Variants in CEP95 observed in about 807,000 individuals in gnomAD.
CEP95 encodes centrosomal protein of 95 kDa.
Under a neutral mutation model 111.2 loss-of-function variants are expected in CEP95, and 98 were observed. The observed-to-expected ratio is 0.88, with a 90% CI of 0.75 to 1.04. The LOEUF is 1.04. Ranked by LOEUF, CEP95 falls within the 50% of genes least tolerant of loss-of-function variation. CEP95 has a pLI of 0.00. For missense variants in CEP95, 1,027 were observed against 977.2 expected (o/e 1.05, Z -0.68); for synonymous variants, 323 against 327.1 (o/e 0.99, Z 0.14).
chr17:64,533,220 A>G, intron 16 of CEP95, 29 bp downstream of exon 16: 1 of 1,546,020 alleles, frequency 6.5e-7, no homozygotes, highest in Non-Finnish European at 8.8e-7. Context: ...GGGTATTATA[A>G]TTCTGAATTT....
rs189519114 is a variant in CEP95, at chr17:64,509,818, A to G, written c.149-355A>G. On this transcript the variant is annotated intron_variant, in intron 2 of 19. Coordinates refer to ENST00000556440, the MANE Select transcript of CEP95 (RefSeq NM_138363.3). ...TATCATGTCTTGGCTCCCTTATTAGACTATTAGCTGTCTTTGAATTTAGGG... is the reference window on the plus strand; with the variant it reads ...TATCATGTCTTGGCTCCCTTATTAGGCTATTAGCTGTCTTTGAATTTAGGG... 3.8e-4 allele frequency among the ~76,000 whole-genome samples: 58 copies of G among 152,010 alleles called. No individual in the cohort carries two copies. In the East Asian group the frequency reaches 0.011, roughly 28 times the overall value.
At chr17:64,533,988 C>G (rs950653744) in intron 16 of CEP95, 1 of 152,290 alleles carries the variant, frequency 6.6e-6, no homozygotes, top group Non-Finnish European at 1.5e-5. Context: ...CAGAAACAAT[C>G]TGCCAAAGGG....
At chr17:64,533,529 C>T (rs542453739) in intron 16 of CEP95, among the ~76,000 whole-genome samples, 157 of 152,186 alleles carry the variant, frequency 1.0e-3, no homozygotes, top group African/African-American at 3.6e-3. Context: ...ATCACTTGAA[C>T]GTGGGAGGGC....
chr17:64,526,263 T>C, intron 10 of CEP95, 63 bp downstream of exon 10: 1 of 1,465,798 alleles, frequency 6.8e-7, no homozygotes, highest in East Asian at 2.4e-5. Flanking sequence ...TTAAGTAATC[T>C]CTCAATTGAA....
At chr17:64,507,952 G>T in intron 1 of CEP95, 1 of 984,812 alleles carries the variant, frequency 1.0e-6, no homozygotes, top group Non-Finnish European at 1.2e-6. Flanking sequence ...AATGTGGTAC[G>T]CAGGAAACGT....
rs1555681677 is a variant in CEP95 at position 64,536,954 on chromosome 17, G to T, written c.2218-87G>T. The T allele has an allele frequency of 5.2e-6, 7 of 1,343,454 alleles. No individual in the cohort carries two copies. The South Asian group carries it at 6.8e-5, about 13-fold the overall frequency. 83.2% of individuals were successfully genotyped at this position (1,343,454 alleles called of 1,614,324 possible). On this transcript the variant is annotated intron_variant, in intron 18 of 19. Transcript: ENST00000556440. Reference sequence around the variant, plus strand: ...TATATTTCCCTATTTCCATTAAAATGATTTTAAGCCTGTGAACATTAAGAA... The same window carrying T: ...TATATTTCCCTATTTCCATTAAAATTATTTTAAGCCTGTGAACATTAAGAA...
At chr17:64,512,701 G>A (rs970150049) in intron 3 of CEP95, among the ~76,000 whole-genome samples, 6 of 152,102 alleles carry the variant, frequency 3.9e-5, no homozygotes, top group Non-Finnish European at 8.8e-5. Context: ...AAATTTTTGC[G>A]AAGAGAATAA....
At chr17:64,535,275 C>T (rs782317095) in intron 17 of CEP95, 8 of 160,226 alleles carry the variant, frequency 5.0e-5, no homozygotes, top group African/African-American at 7.2e-5. Context: ...TTGAGGAGAG[C>T]GTAAGTAACT....
intron 16 of CEP95, 131 bp from the exon 17 acceptor site, chr17:64,534,454 G>T: frequency 1.3e-6 from 1 of 759,248 alleles, no homozygotes; most frequent in Non-Finnish European, 2.1e-6. Flanking sequence ...AAGGGCTTCT[G>T]GGGCCACTGG....
rs781970308 is a variant in CEP95 at position 64,532,918 on chromosome 17, C to T, written c.1752C>T (p.Ser584=). ...TTTATGTTTCTGGCCCAACACTAAG[C>T]AAAATGTGGAAACAGCAAATTGCAC... ...PFLYVSGPTL[S]KMWKQQIAQV... The change falls in exon 15 of 20, where the codon AGC becomes AGT. Residue 584 remains serine (S), a synonymous_variant. Coordinates refer to ENST00000556440, the MANE Select transcript of CEP95 (RefSeq NM_138363.3). 5 of 1,613,712 alleles carry T rather than the reference C, an allele frequency of 3.1e-6. No homozygotes were observed. The East Asian group carries it at 1.1e-4, about 36-fold the overall frequency.
intron 3 of CEP95, among the ~76,000 whole-genome samples, chr17:64,512,128 T>C (rs1343495101): frequency 2.0e-5 from 3 of 152,216 alleles, no homozygotes; most frequent in Non-Finnish European, 2.9e-5. Flanking sequence ...GAACAATCTC[T>C]AGCATATGTG....
At chr17:64,537,377 A>G (rs546898756) in intron 19 of CEP95, 20 of 1,399,398 alleles carry the variant, frequency 1.4e-5, no homozygotes, top group Admixed American at 3.2e-5. Context: ...CAAATGTATT[A>G]TACCTGTAAA....
rs373382872 is a variant in CEP95, at chr17:64,533,182, C to T, written c.1908C>T (p.Asn636=). Residue 636 remains asparagine (N), a synonymous_variant, in exon 16 of 20, where the codon AAC becomes AAT. Transcript: ENST00000556440. ...TTGTCAAGAAAGAATATGAACATAA[C>T]AAGAGACTGGTATGTCAAGAGCAAG... is the stretch of plus-strand genomic sequence containing the variant. The part of the protein sequence containing the change: ...TTLVKKEYEH[N]KRLQDFKDCI... 843 of 1,584,906 alleles carry T rather than the reference C, an allele frequency of 5.3e-4. 1 individual carries two copies. Among genetic ancestry groups the T allele is most frequent in the Admixed American group, 8.0e-4 (39 of 48,970 alleles).
chr17:64,522,662 A>G, intron 7 of CEP95, 40 bp from the exon 8 acceptor site: 1 of 1,455,096 alleles, frequency 6.9e-7, no homozygotes, highest in Non-Finnish European at 9.5e-7. Context: ...TTTATTTCTT[A>G]GAATTGCATC....
intron 10 of CEP95, 129 bp downstream of exon 10, chr17:64,526,329 CG>C: frequency 1.1e-6 from 1 of 904,202 alleles, no homozygotes; most frequent in Non-Finnish European, 1.6e-6. Flanking sequence ...GAAAATGTTC[CG>C]TAAGTCAAGC....
chr17:64,532,126 G>A (rs1352286007), intron 14 of CEP95, 104 bp downstream of exon 14: 51 of 1,371,904 alleles, frequency 3.7e-5, no homozygotes, highest in Middle Eastern at 3.9e-4. Flanking sequence ...CCAGTTAGCC[G>A]AAGAAAGTTT....
chr17:64,507,347 C>T (rs1240991067), intron 1 of CEP95: 8 of 1,423,724 alleles, frequency 5.6e-6, no homozygotes, highest in African/African-American at 2.9e-5. Flanking sequence ...GGGGCGAGGC[C>T]GGTAGGACAC....
chr17:64,515,360 G>A (rs1163937129), intron 4 of CEP95, among the ~76,000 whole-genome samples: 3 of 152,228 alleles, frequency 2.0e-5, no homozygotes, highest in African/African-American at 7.2e-5. Flanking sequence ...TTTGTATGCT[G>A]TGTACCTTTC....
chr17:64,525,228 C>T (rs1967714493), intron 8 of CEP95, among the ~76,000 whole-genome samples: 2 of 151,902 alleles, frequency 1.3e-5, no homozygotes, highest in African/African-American at 2.4e-5. Context: ...CCTGTAATCC[C>T]AGCTACTAGG....
Sources: allele counts gnomAD v4.1 joint callset (sites outside exome capture counted in the v4.1 genomes callset), GRCh38; gene constraint gnomAD v4.1.1; transcripts MANE v1.5; gene names NCBI Gene and HGNC (gene_info 2026-07-23, HGNC 2026-07-21).